VPS13B: variants seen among roughly 807,000 people sequenced by gnomAD.
The protein encoded by VPS13B is intermembrane lipid transfer protein VPS13B.
Under a neutral mutation model 426.4 loss-of-function variants are expected in VPS13B, and 285 were observed. The ratio of observed to expected loss-of-function variants is 0.67; its 90% CI spans 0.61 to 0.74. The LOEUF (loss-of-function observed/expected upper bound fraction) is 0.74, where lower values mean the gene tolerates loss of function less well. Ranked by LOEUF, VPS13B falls within the 30% of genes least tolerant of loss-of-function variation. VPS13B has a pLI of 0.00. For synonymous variants in VPS13B, 1,676 were observed against 1,676.4 expected (o/e 1.00, Z 0.01); for missense variants, 4,537 against 4,782.6 (o/e 0.95, Z 1.51).
chr8:99,088,478 A>G (rs1214743199), intron 3 of VPS13B, among the ~76,000 whole-genome samples: 2 of 152,174 alleles, frequency 1.3e-5, no homozygotes, highest in Non-Finnish European at 2.9e-5. Flanking sequence ...ATTTTGGGGG[A>G]AACAATGGGA....
chr8:99,566,286 A>G (rs1218493077), intron 31 of VPS13B, among the ~76,000 whole-genome samples: 1 of 152,228 alleles, frequency 6.6e-6, no homozygotes, highest in East Asian at 1.9e-4. Flanking sequence ...TATAATTATC[A>G]TGGTAGCATA....
At chr8:99,632,719 A>G (rs998523088) in intron 33 of VPS13B, among the ~76,000 whole-genome samples, 1 of 152,016 alleles carries the variant, frequency 6.6e-6, no homozygotes, top group Non-Finnish European at 1.5e-5. Context: ...TAGCCATTGC[A>G]TTTCAAGTCT....
chr8:99,213,820 CT>C (rs11304124), intron 17 of VPS13B, among the ~76,000 whole-genome samples: 103,139 of 131,064 alleles, frequency 0.79, 40,310 homozygotes, highest in South Asian at 0.86. Context: ...TGCTGGATGC[CT>C]TTTTTTTTTT....
intron 10 of VPS13B, 97 bp from the exon 11 acceptor site, chr8:99,135,499 T>G (rs1332897652): frequency 6.9e-7 from 1 of 1,445,252 alleles, no homozygotes; most frequent in Non-Finnish European, 9.5e-7. Context: ...AGTGATTTCT[T>G]TTGACTAGTA....
At chr8:99,235,840 T>C (rs763650471) in intron 17 of VPS13B, among the ~76,000 whole-genome samples, 1 of 152,192 alleles carries the variant, frequency 6.6e-6, no homozygotes, top group Non-Finnish European at 1.5e-5. Context: ...TTAGAGATAA[T>C]AGAGACATAA....
In VPS13B at chr8:99,128,914, C is replaced by T. The variant is rs531950560; in HGVS notation, c.1207-5718C>T. Among the ~76,000 whole-genome samples, 31 of 151,834 alleles carry T rather than the reference C, an allele frequency of 2.0e-4. 1 individual carries two copies. In the Middle Eastern group the frequency reaches 0.024, roughly 117 times the overall value. On this transcript the variant is annotated intron_variant, in intron 8 of 61. Transcript: ENST00000357162. ...CAGCACTTTGGGAGGCTGAGGCGGG[C>T]GGATCATGAGGTCAGGAGTTCAAGA...
intron 20 of VPS13B, among the ~76,000 whole-genome samples, chr8:99,390,324 C>T (rs1814367826): frequency 6.6e-6 from 1 of 151,998 alleles, no homozygotes; most frequent in African/African-American, 2.4e-5. Flanking sequence ...AGGATGGTCT[C>T]GATCTCCTGA....
intron 17 of VPS13B, among the ~76,000 whole-genome samples, chr8:99,235,170 C>T (rs973896295): frequency 3.3e-5 from 5 of 152,138 alleles, no homozygotes; most frequent in African/African-American, 9.7e-5. Context: ...AAAAGTCTTG[C>T]TCCCACATCT....
intron 21 of VPS13B, among the ~76,000 whole-genome samples, chr8:99,399,736 AAG>A (rs1288659141): frequency 6.6e-6 from 1 of 152,212 alleles, no homozygotes; most frequent in Non-Finnish European, 1.5e-5. Context: ...TTAGCTCATA[AAG>A]AGATGTAATT....
chr8:99,741,243 G>T (rs1399220075), intron 39 of VPS13B, among the ~76,000 whole-genome samples: 8 of 152,184 alleles, frequency 5.3e-5, no homozygotes, highest in Admixed American at 5.2e-4. Flanking sequence ...TTACATAATG[G>T]TAAAGGGATC....
At chr8:99,209,373 T>G (rs953555837) in intron 17 of VPS13B, among the ~76,000 whole-genome samples, 1 of 152,084 alleles carries the variant, frequency 6.6e-6, no homozygotes, top group Non-Finnish European at 1.5e-5. Flanking sequence ...AATAGAATGT[T>G]AGAGTATAAT....
intron 39 of VPS13B, among the ~76,000 whole-genome samples, chr8:99,751,383 G>T (rs1810385835): frequency 6.6e-6 from 1 of 151,942 alleles, no homozygotes; most frequent in African/African-American, 2.4e-5. Flanking sequence ...AATTTAATTT[G>T]GACTGTAAAG....
chr8:99,242,897 T>C (rs1817011748), intron 17 of VPS13B, among the ~76,000 whole-genome samples: 1 of 152,176 alleles, frequency 6.6e-6, no homozygotes, highest in Non-Finnish European at 1.5e-5. Flanking sequence ...CATGATGCCT[T>C]TTTTTGTCAT....
intron 30 of VPS13B, among the ~76,000 whole-genome samples, chr8:99,525,621 G>A (rs1822602234): frequency 6.6e-6 from 1 of 152,166 alleles, no homozygotes; most frequent in Non-Finnish European, 1.5e-5. Flanking sequence ...GGAGGCTACT[G>A]TACATCAGGC....
intron 21 of VPS13B, among the ~76,000 whole-genome samples, chr8:99,408,081 A>T (rs1325736509): frequency 6.6e-6 from 1 of 152,170 alleles, no homozygotes; most frequent in Non-Finnish European, 1.5e-5. Context: ...AAGAGGAAGT[A>T]AAAAAAGACA....
At chr8:99,856,513 G>A (rs1362039873) in intron 56 of VPS13B, among the ~76,000 whole-genome samples, 1 of 152,210 alleles carries the variant, frequency 6.6e-6, no homozygotes, top group Non-Finnish European at 1.5e-5. Context: ...TCATTTCTAG[G>A]GAAGTTGTGG....
chr8:99,301,946 G>A (rs1820390137), intron 19 of VPS13B, among the ~76,000 whole-genome samples: 1 of 152,124 alleles, frequency 6.6e-6, no homozygotes, highest in African/African-American at 2.4e-5. Context: ...TGTTTAGACT[G>A]TAAATGTATT....
At chr8:99,170,239 G>T in intron 16 of VPS13B, 76 bp downstream of exon 16, 1 of 1,534,528 alleles carries the variant, frequency 6.5e-7, no homozygotes, top group Non-Finnish European at 8.9e-7. Flanking sequence ...AAATGTATCT[G>T]TCTTATGCCC....
At chr8:99,213,495 T>G (rs1815218802) in intron 17 of VPS13B, among the ~76,000 whole-genome samples, 1 of 152,186 alleles carries the variant, frequency 6.6e-6, no homozygotes, top group Non-Finnish European at 1.5e-5. Context: ...ACCTGCTTTT[T>G]AGATCCTTTT....
Sources: allele counts gnomAD v4.1 joint callset (sites outside exome capture counted in the v4.1 genomes callset), GRCh38; gene constraint gnomAD v4.1.1; transcripts MANE v1.5; gene names NCBI Gene and HGNC (gene_info 2026-07-23, HGNC 2026-07-21).